The following TNIK variants were observed in gnomAD, a reference collection of about 807,000 sequenced individuals.
TNIK encodes TRAF2 and NCK interacting kinase.
TNIK carries 49 observed loss-of-function variants against 191.3 expected under a neutral mutation model. The ratio of observed to expected loss-of-function variants is 0.26; its 90% CI spans 0.20 to 0.32. The LOEUF (loss-of-function observed/expected upper bound fraction) is 0.32. TNIK is among the 10% of genes least tolerant of loss of function. TNIK has a pLI of 1.00. For missense variants in TNIK, 1,155 were observed against 1,702.3 expected, an observed-to-expected ratio of 0.68 and a Z score of 5.66; for synonymous variants, 594 against 600.9, an observed-to-expected ratio of 0.99 and a Z score of 0.17.
At chr3:171,221,024 T>C (rs1216564831) in intron 3 of TNIK, among the ~76,000 whole-genome samples, 4 of 152,142 alleles carry the variant, frequency 2.6e-5, no homozygotes, top group Non-Finnish European at 1.5e-5. Context: ...AGAGGACAGA[T>C]GCTAAAGTGT....
chr3:171,354,001 C>G (rs1004367260), intron 2 of TNIK, among the ~76,000 whole-genome samples: 3 of 152,036 alleles, frequency 2.0e-5, no homozygotes, highest in African/African-American at 7.2e-5. Context: ...TGCCATTATT[C>G]TAGCAAAATC....
chr3:171,186,630 G>T (rs1737398361), intron 7 of TNIK, among the ~76,000 whole-genome samples: 1 of 151,898 alleles, frequency 6.6e-6, no homozygotes, highest in Admixed American at 6.6e-5. Context: ...TTTGCACTAA[G>T]GTCTAAATGA....
intron 1 of TNIK, among the ~76,000 whole-genome samples, chr3:171,403,407 A>G (rs1985110): frequency 0.7 from 107,021 of 151,952 alleles, 38,676 homozygotes; most frequent in Middle Eastern, 0.82. Flanking sequence ...CTGAGATCAG[A>G]AGTTCGAGAT....
At chr3:171,389,764 G>A (rs1196105934) in intron 1 of TNIK, among the ~76,000 whole-genome samples, 1 of 152,142 alleles carries the variant, frequency 6.6e-6, no homozygotes, top group Non-Finnish European at 1.5e-5. Flanking sequence ...GTACTTAGGG[G>A]ATTGATCAGG....
chr3:171,276,684 A>G (rs926549171), intron 2 of TNIK, among the ~76,000 whole-genome samples: 14 of 152,210 alleles, frequency 9.2e-5, no homozygotes, highest in Admixed American at 6.5e-4. Context: ...TATTATATAA[A>G]AGTAAAAAGA....
chr3:171,432,105 C>T lies in TNIK; in HGVS notation c.57+27902G>A, dbSNP rs186647525. On this transcript the variant is annotated intron_variant, in intron 1 of 32. Coordinates refer to ENST00000436636, the MANE Select transcript of TNIK (RefSeq NM_015028.4). ...GCCTCCTTAAGACAAGAGGCAATAG[C>T]CAAAAGAGAAGAAAAGATTGAAATG... 2.2e-3 allele frequency among the ~76,000 whole-genome samples: 337 copies of T among 151,908 alleles called. 2 individuals are homozygous for T. Among genetic ancestry groups the T allele is most frequent in the African/African-American group, 7.6e-3 (315 of 41,412 alleles).
At chr3:171,270,814 G>T (rs997870899) in intron 2 of TNIK, among the ~76,000 whole-genome samples, 1 of 152,064 alleles carries the variant, frequency 6.6e-6, no homozygotes, top group Non-Finnish European at 1.5e-5. Context: ...CTACATAATG[G>T]GGATAATAAA....
At chr3:171,102,078 T>C (rs1415857333) in intron 21 of TNIK, 1 of 154,278 alleles carries the variant, frequency 6.5e-6, no homozygotes, top group Non-Finnish European at 1.4e-5. Flanking sequence ...GTACTGAAAT[T>C]TACCATCAGT....
chr3:171,401,119 CAA>C (rs1281210547), intron 1 of TNIK, among the ~76,000 whole-genome samples: 2 of 151,770 alleles, frequency 1.3e-5, no homozygotes, highest in East Asian at 3.9e-4. Flanking sequence ...CTGAAGAAAA[CAA>C]AAAAAGAAGA....
At chr3:171,459,440 G>A (rs184050962) in intron 1 of TNIK, among the ~76,000 whole-genome samples, 2 of 152,166 alleles carry the variant, frequency 1.3e-5, no homozygotes, top group African/African-American at 4.8e-5. Flanking sequence ...GCGCCCGGGC[G>A]CGGGAGGTAG....
intron 2 of TNIK, among the ~76,000 whole-genome samples, chr3:171,276,253 T>C (rs1159334589): frequency 2.0e-5 from 3 of 152,204 alleles, no homozygotes. Context: ...ATTGAAGATA[T>C]GTACAACCAA....
intron 1 of TNIK, among the ~76,000 whole-genome samples, chr3:171,433,373 CA>C (rs1725608781): frequency 6.6e-6 from 1 of 152,010 alleles, no homozygotes; most frequent in African/African-American, 2.4e-5. Flanking sequence ...CAAATCAAGA[CA>C]AATTATAGAA....
chr3:171,128,882 CA>C lies in TNIK; in HGVS notation c.1609-5del, dbSNP rs1728855287. 3.3e-6 allele frequency: 4 copies of C among 1,194,098 alleles called. No individual in the cohort carries two copies. The highest frequency in any genetic ancestry group is 7.9e-5 in the Admixed American group (2 of 25,168). The allele number at this position is 1,194,098 out of a possible 1,614,324, so 74.0% of individuals were successfully genotyped here. On this transcript the variant is annotated splice_polypyrimidine_tract_variant and splice_region_variant and intron_variant, in intron 15 of 32. Transcript: ENST00000436636. ...TGAGCCTTGACCGTTCTTCTACCTACAACCCAAAAAAAAAAAAAAAAAAAAG... is the reference window on the plus strand; with the variant it reads ...TGAGCCTTGACCGTTCTTCTACCTACACCCAAAAAAAAAAAAAAAAAAAAG...
chr3:171,393,297 C>T (rs1453790773), intron 1 of TNIK, among the ~76,000 whole-genome samples: 3 of 152,200 alleles, frequency 2.0e-5, no homozygotes, highest in African/African-American at 7.2e-5. Flanking sequence ...GTCTCTTAGA[C>T]ATTCCTGGCT....
intron 2 of TNIK, among the ~76,000 whole-genome samples, chr3:171,297,047 T>A (rs1379930173): frequency 6.6e-6 from 1 of 152,194 alleles, no homozygotes; most frequent in African/African-American, 2.4e-5. Context: ...ACCGCAGTCC[T>A]TGCCTCTTAT....
At chr3:171,247,541 C>T (rs965820913) in intron 2 of TNIK, among the ~76,000 whole-genome samples, 10 of 151,954 alleles carry the variant, frequency 6.6e-5, no homozygotes, top group South Asian at 2.1e-4. Context: ...TTTCGGGGGC[C>T]GGGTAGACAT....
chr3:171,428,683 T>G (rs78732082), intron 1 of TNIK, among the ~76,000 whole-genome samples: 6,607 of 130,694 alleles, frequency 0.051, 509 homozygotes, highest in African/African-American at 0.17. Context: ...ACCAGCATAC[T>G]CTAGTCATCC....
intron 1 of TNIK, among the ~76,000 whole-genome samples, chr3:171,448,671 T>A (rs1244159020): frequency 1.3e-5 from 2 of 152,080 alleles, no homozygotes; most frequent in Non-Finnish European, 2.9e-5. Context: ...TTTAGCATTT[T>A]GAGAAACTGT....
At chr3:171,183,987 A>T (rs988428140) in intron 7 of TNIK, among the ~76,000 whole-genome samples, 3 of 151,392 alleles carry the variant, frequency 2.0e-5, no homozygotes, top group African/African-American at 7.3e-5. Context: ...TAAACACAAA[A>T]CTATCTATAA....
Sources: allele counts gnomAD v4.1 joint callset (sites outside exome capture counted in the v4.1 genomes callset), GRCh38; gene constraint gnomAD v4.1.1; transcripts MANE v1.5; gene names NCBI Gene and HGNC (gene_info 2026-07-23, HGNC 2026-07-21).